The following CAMKMT variants were observed in gnomAD, a reference collection of about 807,000 sequenced individuals.
CAMKMT encodes the protein calmodulin-lysine N-methyltransferase.
CAMKMT carries 53 observed loss-of-function variants against 48.0 expected under a neutral mutation model. The observed-to-expected ratio is 1.10, with a 90% CI of 0.89 to 1.39. CAMKMT has a LOEUF of 1.39. Among genes scored for constraint, CAMKMT ranks in the 40% most tolerant of loss-of-function variants. The pLI, the probability that CAMKMT is intolerant of heterozygous loss-of-function variation, is 0.00. For synonymous variants in CAMKMT, 165 were observed against 152.3 expected, an observed-to-expected ratio of 1.08 and a Z score of -0.61; for missense variants, 428 against 402.7, an observed-to-expected ratio of 1.06 and a Z score of -0.54.
At chr2:44,460,302 G>A (rs1375358830) in intron 3 of CAMKMT, among the ~76,000 whole-genome samples, 1 of 152,104 alleles carries the variant, frequency 6.6e-6, no homozygotes, top group African/African-American at 2.4e-5. Flanking sequence ...AAATAAAAGA[G>A]TATATTTGAA....
intron 3 of CAMKMT, among the ~76,000 whole-genome samples, chr2:44,641,324 T>G (rs2104001170): frequency 6.6e-6 from 1 of 152,242 alleles, no homozygotes; most frequent in East Asian, 1.9e-4. Flanking sequence ...TTCAAAGAAT[T>G]ATAGAGAAAG....
intron 3 of CAMKMT, among the ~76,000 whole-genome samples, chr2:44,546,451 A>T (rs970306825): frequency 2.6e-5 from 4 of 152,162 alleles, no homozygotes; most frequent in Non-Finnish European, 5.9e-5. Flanking sequence ...GTTTTATGGA[A>T]TCGATAAATC....
At position 44,589,883 on chromosome 2, in the gene CAMKMT, T is replaced by TAAAAAAAAAAAAA. The variant is rs1218817837; in HGVS notation, c.377-114388_377-114387insAAAAAAAAAAAAA. On this transcript the variant is annotated intron_variant, in intron 3 of 10. Coordinates refer to ENST00000378494, the MANE Select transcript of CAMKMT (RefSeq NM_024766.5). ...GCGAGAAACACCCAAGAATGATCAA[T>TAAAAAAAAAAAAA]AAAAAAAAAAAAGAAAAAAAAAAAA... 3.5e-3 allele frequency among the ~76,000 whole-genome samples: 81 copies of TAAAAAAAAAAAAA among 23,118 alleles called. 2 individuals carry two copies. The highest frequency in any genetic ancestry group is 4.6e-3 in the Non-Finnish European group (52 of 11,228). The allele number at this position is 23,118 out of a possible 152,430, so 15.2% of individuals were successfully genotyped here.
At chr2:44,447,339 T>C (rs911984971) in intron 3 of CAMKMT, among the ~76,000 whole-genome samples, 3 of 152,228 alleles carry the variant, frequency 2.0e-5, no homozygotes, top group Non-Finnish European at 2.9e-5. Context: ...ATAATATCCC[T>C]AAAGGTAAGA....
intron 3 of CAMKMT, among the ~76,000 whole-genome samples, chr2:44,485,506 T>A (rs1194387027): frequency 6.6e-6 from 1 of 152,178 alleles, no homozygotes; most frequent in Admixed American, 6.5e-5. Flanking sequence ...AATGTGTCCT[T>A]AGGCAATTTT....
intron 3 of CAMKMT, chr2:44,395,113 C>T (rs145628581): frequency 3.3e-4 from 123 of 375,732 alleles, no homozygotes; most frequent in East Asian, 8.9e-4. Context: ...GAAATATGGT[C>T]TAAATTTTTA....
At chr2:44,531,682 C>T (rs190141115) in intron 3 of CAMKMT, among the ~76,000 whole-genome samples, 14 of 152,196 alleles carry the variant, frequency 9.2e-5, no homozygotes, top group Admixed American at 8.5e-4. Context: ...TACTGCAAAT[C>T]TCTGTGGTAC....
At chr2:44,564,804 A>G (rs1668523538) in intron 3 of CAMKMT, among the ~76,000 whole-genome samples, 2 of 151,982 alleles carry the variant, frequency 1.3e-5, no homozygotes, top group South Asian at 4.1e-4. Flanking sequence ...CCCCCCAAAG[A>G]ACTGGGATTA....
intron 3 of CAMKMT, among the ~76,000 whole-genome samples, chr2:44,417,978 G>A (rs1040167788): frequency 2.6e-5 from 4 of 152,076 alleles, no homozygotes; most frequent in African/African-American, 7.3e-5. Context: ...AGATACCTGA[G>A]GTCAGGAATT....
At position 44,629,381 on chromosome 2, in the gene CAMKMT, C is replaced by T. The variant is rs74336179; in HGVS notation, c.377-74902C>T. Among the ~76,000 whole-genome samples, 260 of 150,580 alleles carry T rather than the reference C, an allele frequency of 1.7e-3. 5 individuals are homozygous for T. In the East Asian group the frequency reaches 0.03, roughly 18 times the overall value. ...TGCACATGGCATATCTCTTACTGTT[C>T]ATTTATGTTTTACCTACCTATCTCA... On this transcript the variant is annotated intron_variant, in intron 3 of 10. Coordinates refer to ENST00000378494, the MANE Select transcript of CAMKMT (RefSeq NM_024766.5).
chr2:44,769,272 T>C (rs1680999967), intron 10 of CAMKMT, among the ~76,000 whole-genome samples: 3 of 152,238 alleles, frequency 2.0e-5, no homozygotes, highest in Admixed American at 1.3e-4. Flanking sequence ...AAAGCAAGCC[T>C]GTAATCAAAA....
At chr2:44,604,348 G>A (rs1671162513) in intron 3 of CAMKMT, among the ~76,000 whole-genome samples, 1 of 152,108 alleles carries the variant, frequency 6.6e-6, no homozygotes, top group Non-Finnish European at 1.5e-5. Flanking sequence ...CAAAGTGCTT[G>A]TTTCACTACC....
chr2:44,375,523 A>G (rs1400192656), intron 2 of CAMKMT, among the ~76,000 whole-genome samples: 1 of 152,176 alleles, frequency 6.6e-6, no homozygotes, highest in Admixed American at 6.5e-5. Context: ...TACTTTCAAA[A>G]TGAGTGGAAT....
intron 3 of CAMKMT, among the ~76,000 whole-genome samples, chr2:44,412,016 A>C (rs578068888): frequency 7.9e-6 from 1 of 126,354 alleles, no homozygotes; most frequent in Non-Finnish European, 1.6e-5. Flanking sequence ...TTTTTAGCAG[A>C]CAGTGTAGAT....
intron 3 of CAMKMT, among the ~76,000 whole-genome samples, chr2:44,493,229 GA>G (rs947639424): frequency 2.0e-5 from 3 of 151,780 alleles, no homozygotes; most frequent in Admixed American, 6.6e-5. Flanking sequence ...TGGTCAACAG[GA>G]AAAAAACATG....
intron 3 of CAMKMT, among the ~76,000 whole-genome samples, chr2:44,582,688 G>T (rs1669630145): frequency 1.3e-5 from 2 of 152,188 alleles, no homozygotes; most frequent in African/African-American, 2.4e-5. Flanking sequence ...CTAAGTGACT[G>T]ATCTCTTACC....
At chr2:44,542,496 TACACACACACACACACAC>T (rs371102222) in intron 3 of CAMKMT, among the ~76,000 whole-genome samples, 11 of 134,066 alleles carry the variant, frequency 8.2e-5, no homozygotes, top group South Asian at 2.5e-4. Context: ...CACATACACA[TACACACACACACACACAC>T]ACACACACAC....
chr2:44,682,648 C>T (rs1398494494), intron 3 of CAMKMT, among the ~76,000 whole-genome samples: 3 of 152,166 alleles, frequency 2.0e-5, no homozygotes, highest in Admixed American at 6.5e-5. Context: ...TGGCGGCAGA[C>T]GACCGAGCTA....
At chr2:44,592,062 G>T (rs1670321303) in intron 3 of CAMKMT, among the ~76,000 whole-genome samples, 1 of 149,944 alleles carries the variant, frequency 6.7e-6, no homozygotes, top group Non-Finnish European at 1.5e-5. Flanking sequence ...GGGGACTGTT[G>T]TGGGGTGGGG....
Sources: allele counts gnomAD v4.1 joint callset (sites outside exome capture counted in the v4.1 genomes callset), GRCh38; gene constraint gnomAD v4.1.1; transcripts MANE v1.5; gene names NCBI Gene and HGNC (gene_info 2026-07-23, HGNC 2026-07-21).